The following PLEKHG2 variants were observed in gnomAD, a reference collection of about 807,000 sequenced individuals.
PLEKHG2 encodes the protein pleckstrin homology and RhoGEF domain containing G2.
In PLEKHG2, 71 loss-of-function variants were observed where a neutral mutation model predicts 104.4. That is an observed-to-expected ratio of 0.68 (90% CI 0.56 to 0.83). The LOEUF is 0.83. Ranked by LOEUF, PLEKHG2 falls within the 40% of genes least tolerant of loss-of-function variation. PLEKHG2 has a pLI of 0.00. For synonymous variants in PLEKHG2, 728 were observed against 737.0 expected (o/e 0.99, Z 0.20); for missense variants, 1,730 against 1,809.4 (o/e 0.96, Z 0.80).
At chr19:39,419,395 G>C (rs1024999549) in intron 11 of PLEKHG2, among the ~76,000 whole-genome samples, 21 of 152,050 alleles carry the variant, frequency 1.4e-4, no homozygotes, top group Admixed American at 6.5e-5. Flanking sequence ...CCGGGAGTTC[G>C]ATACCAGCTT....
Position 39,424,818 on chromosome 19 carries a change from A to G in PLEKHG2, c.3685A>G (p.Thr1229Ala). 1 of 1,613,940 alleles carries G rather than the reference A, an allele frequency of 6.2e-7. No homozygotes were observed. The highest frequency in any genetic ancestry group is 8.5e-7 in the Non-Finnish European group (1 of 1,179,960). Residue 1229 changes from threonine to alanine, a missense_variant, in exon 19 of 19, where the codon ACC (threonine) becomes GCC (alanine). Thr to Ala is a moderately conservative substitution (Grantham distance 58). Transcript: ENST00000425673. Reference protein sequence around the residue: ...GSLDIQGLSPTPVQTTMVLSK... With the variant: ...GSLDIQGLSPAPVQTTMVLSK... ...TCTAGACATTCAGGGCCTCTCACCC[A>G]CCCCAGTTCAGACCACCATGGTTTT...
In PLEKHG2 at chr19:39,417,952, T is replaced by C; in HGVS notation, c.930T>C (p.Ala310=). ...GCTGGACCGGACCAGAGCTCAGTGC[T>C]TTTGGGGAACTGGTGTTGGAGGGCG... The part of the protein sequence containing the change: ...LGGWTGPELS[A]FGELVLEGAF... The change falls in exon 9 of 19, where the codon GCT becomes GCC. Residue 310 remains alanine (A), a synonymous_variant. Coordinates refer to ENST00000425673, the MANE Select transcript of PLEKHG2 (RefSeq NM_022835.3). 1 of 1,543,442 alleles carries C rather than the reference T, an allele frequency of 6.5e-7. No individual in the cohort carries two copies. Among genetic ancestry groups the C allele is most frequent in the Non-Finnish European group, 8.7e-7 (1 of 1,145,414 alleles).
At position 39,415,559 on chromosome 19, in the gene PLEKHG2, C is replaced by A; in HGVS notation, c.479+120C>A. On this transcript the variant is annotated intron_variant, in intron 4 of 18. Transcript: ENST00000425673. This position sits in a 1 kb window ranked among gnomAD's most constrained non-coding sequence, Gnocchi z 4.6. ...TGGTACGTGGGGTTGTGACATTGGG[C>A]AAGGATCAGGGATCACGACTGGGAG... 8.7e-7 allele frequency: 1 copy of A among 1,152,642 alleles called. No individual in the cohort carries two copies. The allele number at this position is 1,152,642 out of a possible 1,614,324, so 71.4% of individuals were successfully genotyped here. A position where few individuals can be genotyped will look rare whatever the true frequency, so the allele number is the denominator to read the frequency against.
chr19:39,416,791 C>A lies in PLEKHG2; in HGVS notation c.594-59C>A. The A allele has an allele frequency of 6.5e-7, 1 of 1,543,228 alleles. No individual in the cohort carries two copies. The highest frequency in any genetic ancestry group is 8.7e-7 in the Non-Finnish European group (1 of 1,145,414). ...TCCCAAACCCTGGCCCCTCCCTAAC[C>A]CCTCTTGACCCCGCCCACTGGAACT... On this transcript the variant is annotated intron_variant, in intron 6 of 18. Transcript: ENST00000425673. The surrounding 1 kb of genome is among the most constrained non-coding windows in gnomAD (Gnocchi z 4.5).
chr19:39,422,728 A>C lies in PLEKHG2; in HGVS notation c.1678-4A>C, dbSNP rs756085962. The C allele has an allele frequency of 2.6e-5, 39 of 1,518,720 alleles. No homozygotes were observed. The highest frequency in any genetic ancestry group is 3.3e-5 in the Non-Finnish European group (38 of 1,135,754). 94.1% of individuals were successfully genotyped at this position (1,518,720 alleles called of 1,614,324 possible). The stretch of plus-strand genomic sequence containing the variant: ...TTTGGCTTGTTCTCCTGTGCCCACT[A>C]TAGCCGTCCACCCATGACATTCCCA... On this transcript the variant is annotated splice_region_variant and splice_polypyrimidine_tract_variant and intron_variant, in intron 17 of 18. Coordinates refer to ENST00000425673, the MANE Select transcript of PLEKHG2 (RefSeq NM_022835.3).
intron 11 of PLEKHG2, among the ~76,000 whole-genome samples, chr19:39,420,397 C>T (rs990425288): frequency 6.6e-6 from 1 of 151,768 alleles, no homozygotes; most frequent in African/African-American, 2.4e-5. Flanking sequence ...TGATGGTGCA[C>T]ATATGAAATC....
intron 2 of PLEKHG2, 37 bp from the exon 3 acceptor site, chr19:39,414,955 G>C: frequency 6.5e-7 from 1 of 1,545,660 alleles, no homozygotes; most frequent in South Asian, 1.2e-5. Context: ...CCGTGCATGG[G>C]GAGATTTCTC....
rs370143912 is a variant in PLEKHG2 at position 39,417,882 on chromosome 19, C to T, written c.883-23C>T. 5.8e-4 allele frequency: 889 copies of T among 1,529,348 alleles called. 1 individual carries two copies. In the Middle Eastern group the frequency reaches 8.6e-3, roughly 15 times the overall value. The allele number at this position is 1,529,348 out of a possible 1,614,324, so 94.7% of individuals were successfully genotyped here. A position where few individuals can be genotyped will look rare whatever the true frequency, so the allele number is the denominator to read the frequency against. On this transcript the variant is annotated intron_variant, in intron 8 of 18. Coordinates refer to ENST00000425673, the MANE Select transcript of PLEKHG2 (RefSeq NM_022835.3). ...ACCCATGCTTGTCTCTGCGCCCCGGCGCACCTGGCGGGGTCCCGGCAGGAA... is the reference window on the plus strand; with the variant it reads ...ACCCATGCTTGTCTCTGCGCCCCGGTGCACCTGGCGGGGTCCCGGCAGGAA...
At position 39,422,750 on chromosome 19, in the gene PLEKHG2, C is replaced by A. The variant is rs1210777413; in HGVS notation, c.1696C>A (p.Pro566Thr). 1 of 1,522,436 alleles carries A rather than the reference C, an allele frequency of 6.6e-7. No individual in the cohort carries two copies. Among genetic ancestry groups the A allele is most frequent in the South Asian group, 1.3e-5 (1 of 75,086 alleles). 94.3% of individuals were successfully genotyped at this position (1,522,436 alleles called of 1,614,324 possible). Reference protein sequence around the residue: ...RDPGPSTHDIPKFPGDSQVPG... With the variant: ...RDPGPSTHDITKFPGDSQVPG... ...ACTATAGCCGTCCACCCATGACATT[C>A]CCAAGTTCCCCGGAGACTCCCAGGT... The change falls in exon 18 of 19, where the codon CCC becomes ACC. Residue 566 changes from proline to threonine, a missense_variant. Physicochemically the swap from Pro to Thr is conservative, Grantham distance 38 (BLOSUM62 -1). Transcript: ENST00000425673.
chr19:39,416,704 C>A lies in PLEKHG2; in HGVS notation c.593+107C>A. On this transcript the variant is annotated intron_variant, in intron 6 of 18. Coordinates refer to ENST00000425673, the MANE Select transcript of PLEKHG2 (RefSeq NM_022835.3). This position sits in a 1 kb window ranked among gnomAD's most constrained non-coding sequence, Gnocchi z 4.5. ...CCGACCCATCCAGCACCGACCCCTG[C>A]CAGGCTGTGACAGTAACTGACCTCT... 1.3e-6 allele frequency: 2 copies of A among 1,497,688 alleles called. No homozygotes were observed. The highest frequency in any genetic ancestry group is 1.8e-6 in the Non-Finnish European group (2 of 1,086,828). 92.8% of individuals were successfully genotyped at this position (1,497,688 alleles called of 1,614,324 possible). A position where few individuals can be genotyped will look rare whatever the true frequency, so the allele number is the denominator to read the frequency against.
chr19:39,423,928 T>C lies in PLEKHG2; in HGVS notation c.2795T>C (p.Val932Ala). 6.2e-7 allele frequency: 1 copy of C among 1,614,172 alleles called. No homozygotes were observed. Among genetic ancestry groups the C allele is most frequent in the East Asian group, 2.2e-5 (1 of 44,884 alleles). The change falls in exon 19 of 19, where the codon GTT becomes GCT. Residue 932 changes from valine to alanine, a missense_variant. Physicochemically the swap from Val to Ala is moderately conservative, Grantham distance 64. Transcript: ENST00000425673. ...LPKQDLPGIH[V>A]SAATLLPEQG... ...AAGCAAGACCTTCCGGGCATCCACG[T>C]TTCAGCTGCTACCCTTTTGCCTGAG...
In PLEKHG2 at chr19:39,425,377, T is replaced by C. The variant is rs777711093; in HGVS notation, c.*83T>C. The C allele has an allele frequency of 2.7e-6, 4 of 1,509,076 alleles. No homozygotes were observed. Among genetic ancestry groups the C allele is most frequent in the Non-Finnish European group, 3.5e-6 (4 of 1,132,270 alleles). 93.5% of individuals were successfully genotyped at this position (1,509,076 alleles called of 1,614,324 possible). A position where few individuals can be genotyped will look rare whatever the true frequency, so the allele number is the denominator to read the frequency against. ...GAACTTGACCTGGAAGTCCAGACAC[T>C]GAACGCAGGCCTCAAAACTGCTGCG... On this transcript the variant is annotated 3_prime_UTR_variant, in exon 19 of 19. Coordinates refer to ENST00000425673, the MANE Select transcript of PLEKHG2 (RefSeq NM_022835.3).
At chr19:39,421,957 C>T (rs2078704768) in intron 16 of PLEKHG2, 158 bp from the exon 17 acceptor site, 2 of 643,846 alleles carry the variant, frequency 3.1e-6, no homozygotes, top group East Asian at 6.9e-5. Flanking sequence ...GCGGAGATTG[C>T]AGTGAGCAGA....
rs1330427689 is a variant in PLEKHG2, at chr19:39,416,894, C to T, written c.638C>T (p.Ala213Val). 6.2e-7 allele frequency: 1 copy of T among 1,612,856 alleles called. No individual in the cohort carries two copies. Among genetic ancestry groups the T allele is most frequent in the Admixed American group, 1.7e-5 (1 of 59,936 alleles). ...LRELSLSPPA[A>V]LWLQERQAQL... is the part of the protein sequence containing the mutation. ...GAGCTGTCGTTGTCTCCGCCAGCAG[C>T]CCTGTGGCTGCAGGAGCGCCAGGCC... The change falls in exon 7 of 19, where the codon GCC becomes GTC. Residue 213 changes from alanine (A) to valine (V), a missense_variant. By Grantham distance (64) the Ala-to-Val change is moderately conservative. Coordinates refer to ENST00000425673, the MANE Select transcript of PLEKHG2 (RefSeq NM_022835.3). The surrounding 1 kb of genome is among the most constrained non-coding windows in gnomAD (Gnocchi z 4.5).
At chr19:39,420,335 G>C (rs542534349) in intron 11 of PLEKHG2, among the ~76,000 whole-genome samples, 1 of 151,596 alleles carries the variant, frequency 6.6e-6, no homozygotes, top group South Asian at 2.1e-4. Context: ...CTCCAACCTC[G>C]GCAACAAGAG....
chr19:39,414,944 TC>T (rs1453539879), intron 2 of PLEKHG2, 47 bp from the exon 3 acceptor site: 1 of 1,519,070 alleles, frequency 6.6e-7, no homozygotes, highest in Non-Finnish European at 8.8e-7. Flanking sequence ...GCTGTGGAAG[TC>T]CGTGCATGGG....
In PLEKHG2 at chr19:39,424,168, C is replaced by T. The variant is rs766958827; in HGVS notation, c.3035C>T (p.Ala1012Val). 420 of 1,614,014 alleles carry T rather than the reference C, an allele frequency of 2.6e-4. 1 individual carries two copies. Among genetic ancestry groups the T allele is most frequent in the South Asian group, 4.2e-4 (38 of 91,082 alleles). Residue 1012 changes from alanine to valine, a missense_variant, in exon 19 of 19, where the codon GCG (alanine) becomes GTG (valine). Coordinates refer to ENST00000425673, the MANE Select transcript of PLEKHG2 (RefSeq NM_022835.3). ...TAFCPEQGHCADIHVPTTPAL... is the reference protein window; with the variant it reads ...TAFCPEQGHCVDIHVPTTPAL... ...TTTTGTCCTGAGCAGGGACACTGTG[C>T]GGACATCCACGTTCCCACCACTCCA...
Position 39,415,385 on chromosome 19 carries a change from T to C in PLEKHG2, c.425T>C (p.Val142Ala). 1 of 1,614,036 alleles carries C rather than the reference T, an allele frequency of 6.2e-7. No individual in the cohort carries two copies. The highest frequency in any genetic ancestry group is 8.5e-7 in the Non-Finnish European group (1 of 1,179,986). Residue 142 changes from valine (V) to alanine (A), a missense_variant, in exon 4 of 19, where the codon GTG becomes GCG. Val to Ala is a moderately conservative substitution (Grantham distance 64). Coordinates refer to ENST00000425673, the MANE Select transcript of PLEKHG2 (RefSeq NM_022835.3). This position sits in a 1 kb window ranked among gnomAD's most constrained non-coding sequence, Gnocchi z 4.6. ...LLDGGVLGLS[V>A]EQVGTLFANI... ...GACGGCGGGGTCCTGGGGCTGAGCG[T>C]GGAGCAGGTGGGCACGCTGTTTGCC...
At chr19:39,420,685 G>A (rs764495063) in intron 12 of PLEKHG2, 26 bp downstream of exon 12, 1 of 1,614,086 alleles carries the variant, frequency 6.2e-7, no homozygotes, top group Admixed American at 1.7e-5. Context: ...GGGCTGGGAG[G>A]GTGTGGAAGT....
Sources: allele counts gnomAD v4.1 joint callset (sites outside exome capture counted in the v4.1 genomes callset), GRCh38; gene constraint gnomAD v4.1.1; non-coding constraint Gnocchi (gnomAD v3.1); transcripts MANE v1.5; gene names NCBI Gene and HGNC (gene_info 2026-07-23, HGNC 2026-07-21).